Variants in ANKMY1 observed in about 807,000 individuals in gnomAD.
The protein encoded by ANKMY1 is ankyrin repeat and MYND domain containing 1.
In ANKMY1, 98 loss-of-function variants were observed where a neutral mutation model predicts 102.0. The ratio of observed to expected loss-of-function variants is 0.96; its 90% CI spans 0.82 to 1.14. The LOEUF (loss-of-function observed/expected upper bound fraction) is 1.14. ANKMY1 is among the 50% of genes most tolerant of loss of function. ANKMY1 has a pLI of 0.00. For missense variants in ANKMY1, 1,330 were observed against 1,347.6 expected (o/e 0.99, Z 0.20); for synonymous variants, 582 against 559.9 (o/e 1.04, Z -0.56).
the ANKMY1 span, among the ~76,000 whole-genome samples, chr2:240,468,655 A>G: frequency 3.9e-5 from 6 of 152,278 alleles, no homozygotes; most frequent in Non-Finnish European, 8.8e-5. Flanking sequence ...CAACTGCTTT[A>G]TTGAGAATTG....
chr2:240,525,928 C>T, intron 6 of ANKMY1, 79 bp from the exon 7 acceptor site: 1 of 1,505,060 alleles, frequency 6.6e-7, no homozygotes, highest in Non-Finnish European at 9.1e-7. Context: ...GTCCTGATGC[C>T]CTCATGAGGC....
intron 4 of ANKMY1, among the ~76,000 whole-genome samples, chr2:240,550,395 G>A (rs996462129): frequency 6.7e-6 from 1 of 150,008 alleles, no homozygotes; most frequent in African/African-American, 2.5e-5. Context: ...GATAGCATTG[G>A]GAGATATACC....
In ANKMY1 at chr2:240,511,923, G is replaced by A; in HGVS notation, c.2224C>T (p.Leu742Phe). 6.3e-7 allele frequency: 1 copy of A among 1,579,770 alleles called. No individual in the cohort carries two copies. Among genetic ancestry groups the A allele is most frequent in the Non-Finnish European group, 8.6e-7 (1 of 1,169,290 alleles). ...GCCGTCCTGCCCCCCTCCTCCGGGA[G>A]GGCTGTGTCCGTGCTGTAGTAGGCT... is the stretch of plus-strand genomic sequence containing the variant. ...PQAYYSTDTA[L>F]PEEGGRTALH... The change falls in exon 11 of 18, where the codon CTC (leucine) becomes TTC (phenylalanine). Residue 742 changes from leucine (L) to phenylalanine (F), a missense_variant. Leu to Phe is a conservative substitution (Grantham distance 22, BLOSUM62 0). Transcript: ENST00000401804.
chr2:240,535,705 T>C (rs2086565477), intron 4 of ANKMY1, among the ~76,000 whole-genome samples: 1 of 152,186 alleles, frequency 6.6e-6, no homozygotes, highest in Non-Finnish European at 1.5e-5. Context: ...AATTTATGGT[T>C]TGTAGGACAT....
rs148669038 is a variant in ANKMY1 at position 240,555,785 on chromosome 2, T to C, written c.147-730A>G. 6.6e-3 allele frequency among the ~76,000 whole-genome samples: 998 copies of C among 151,750 alleles called. 13 individuals are homozygous for C. The highest frequency in any genetic ancestry group is 0.03 in the East Asian group (152 of 5,146). ...GCGTGGTGCCTCAGACCTCCACAGATGGATGGGGTGTCTCAGACCCCTACA... is the reference window on the plus strand; with the variant it reads ...GCGTGGTGCCTCAGACCTCCACAGACGGATGGGGTGTCTCAGACCCCTACA... On this transcript the variant is annotated intron_variant, in intron 2 of 17. Transcript: ENST00000401804.
the ANKMY1 span, among the ~76,000 whole-genome samples, chr2:240,474,098 CT>C: frequency 0.58 from 87,059 of 148,836 alleles, 26,309 homozygotes; most frequent in African/African-American, 0.76. Context: ...ATAACATGAT[CT>C]TTTTTTTTTT....
chr2:240,536,167 A>T (rs2086677123), intron 4 of ANKMY1, among the ~76,000 whole-genome samples: 2 of 152,268 alleles, frequency 1.3e-5, no homozygotes, highest in Non-Finnish European at 2.9e-5. Context: ...TGAAAATAAT[A>T]TAACCAAATT....
intron 9 of ANKMY1, among the ~76,000 whole-genome samples, chr2:240,514,021 C>T (rs1575074432): frequency 6.6e-6 from 1 of 152,226 alleles, no homozygotes; most frequent in Non-Finnish European, 1.5e-5. Context: ...GCCCAGGCCA[C>T]CAGGAGGCGC....
At chr2:240,510,801 A>G (rs550346135) in intron 11 of ANKMY1, among the ~76,000 whole-genome samples, 2 of 152,212 alleles carry the variant, frequency 1.3e-5, no homozygotes, top group East Asian at 1.9e-4. Context: ...CCTGTACCCA[A>G]TGATAGTGTC....
the ANKMY1 span, among the ~76,000 whole-genome samples, chr2:240,472,839 C>A: frequency 6.6e-6 from 1 of 152,152 alleles, no homozygotes; most frequent in African/African-American, 2.4e-5. Context: ...CAACATGATG[C>A]CACAGCTGGG....
At chr2:240,556,464 T>C (rs1025281622) in intron 2 of ANKMY1, among the ~76,000 whole-genome samples, 7 of 152,244 alleles carry the variant, frequency 4.6e-5, no homozygotes, top group Non-Finnish European at 8.8e-5. Context: ...TTAAAAGATA[T>C]GCTGTTTGAG....
At chr2:240,494,753 T>C (rs2077033461) in intron 15 of ANKMY1, among the ~76,000 whole-genome samples, 1 of 151,766 alleles carries the variant, frequency 6.6e-6, no homozygotes, top group Non-Finnish European at 1.5e-5. Context: ...GTTGGGAGGG[T>C]CAAGGGGTTG....
chr2:240,546,198 C>T (rs998441687), intron 4 of ANKMY1, among the ~76,000 whole-genome samples: 40 of 152,028 alleles, frequency 2.6e-4, no homozygotes, highest in Non-Finnish European at 5.4e-4. Flanking sequence ...AGAGTGGGGG[C>T]CAATATTCAA....
At chr2:240,517,684 G>A (rs1004658628) in intron 9 of ANKMY1, among the ~76,000 whole-genome samples, 1 of 152,128 alleles carries the variant, frequency 6.6e-6, no homozygotes, top group Non-Finnish European at 1.5e-5. Context: ...GGTGGTGCCT[G>A]TAGTCCAGCT....
At chr2:240,469,275 C>G in the ANKMY1 span, among the ~76,000 whole-genome samples, 90,456 of 152,116 alleles carry the variant, frequency 0.59, 27,210 homozygotes, top group African/African-American at 0.66. Flanking sequence ...GCCGACACCA[C>G]GCCAGGAGTG....
chr2:240,557,950 C>G lies in ANKMY1; in HGVS notation c.-87G>C. On this transcript the variant is annotated 5_prime_UTR_variant, in exon 1 of 18. Coordinates refer to ENST00000401804, the MANE Select transcript of ANKMY1 (RefSeq NM_001282771.3). ...CGGGACTGCAGCCACCGCGGACGCC[C>G]GCGCTCCCGTCCCGACTGCTTGCCA... is the stretch of plus-strand genomic sequence containing the variant. The G allele has an allele frequency of 2.0e-6, 2 of 985,650 alleles. No homozygotes were observed. The highest frequency in any genetic ancestry group is 2.4e-6 in the Non-Finnish European group (2 of 830,084). The allele number at this position is 985,650 out of a possible 1,614,324, so 61.1% of individuals were successfully genotyped here.
Position 240,479,444 on chromosome 2 carries a change from G to GT in ANKMY1, c.*164_*165insA. 1 of 836,928 alleles carries GT rather than the reference G, an allele frequency of 1.2e-6. No individual in the cohort carries two copies. Among genetic ancestry groups the GT allele is most frequent in the South Asian group, 1.6e-5 (1 of 63,258 alleles). 51.8% of individuals were successfully genotyped at this position (836,928 alleles called of 1,614,324 possible). Reference sequence around the variant, plus strand: ...ACAGACTGTCAAAATCACCCCGTGGGGCCAATTTATTGCGAGGTCGCAAGG... The same window carrying GT: ...ACAGACTGTCAAAATCACCCCGTGGGTGCCAATTTATTGCGAGGTCGCAAGG... On this transcript the variant is annotated 3_prime_UTR_variant, in exon 18 of 18. Transcript: ENST00000401804.
At chr2:240,486,885 TTTA>T (rs1559232730) in intron 15 of ANKMY1, among the ~76,000 whole-genome samples, 3 of 152,130 alleles carry the variant, frequency 2.0e-5, no homozygotes, top group South Asian at 2.1e-4. Context: ...ATTGCATCCT[TTTA>T]TTATTATTTA....
At chr2:240,532,228 A>T in intron 4 of ANKMY1, 1 of 364,336 alleles carries the variant, frequency 2.7e-6, no homozygotes, top group Non-Finnish European at 5.7e-6. Context: ...CTGACTTCTC[A>T]ACAGCAAAGA....
Sources: allele counts gnomAD v4.1 joint callset (sites outside exome capture counted in the v4.1 genomes callset), GRCh38; gene constraint gnomAD v4.1.1; transcripts MANE v1.5; gene names NCBI Gene and HGNC (gene_info 2026-07-23, HGNC 2026-07-21).